NCAM1: variants seen among roughly 807,000 people sequenced by gnomAD.
The protein encoded by NCAM1 is neural cell adhesion molecule 1.
Under a neutral mutation model 109.8 loss-of-function variants are expected in NCAM1, and 14 were observed. The observed-to-expected ratio is 0.13, with a 90% CI of 0.08 to 0.20. The LOEUF (loss-of-function observed/expected upper bound fraction) is 0.20. Ranked by LOEUF, NCAM1 falls within the 10% of genes least tolerant of loss-of-function variation. NCAM1 has a pLI of 1.00. For synonymous variants in NCAM1, 418 were observed against 442.9 expected (o/e 0.94, Z 0.70); for missense variants, 774 against 1,109.9 (o/e 0.70, Z 4.30).
At chr11:113,183,510 C>A (rs1232660790) in intron 1 of NCAM1, among the ~76,000 whole-genome samples, 1 of 152,140 alleles carries the variant, frequency 6.6e-6, no homozygotes, top group Non-Finnish European at 1.5e-5. Flanking sequence ...GGTATAAAAC[C>A]AACTACAAGG....
chr11:113,220,600 C>CTTTTTTTTTTTTTT (rs1336984958), intron 8 of NCAM1, among the ~76,000 whole-genome samples: 1,285 of 102,114 alleles, frequency 0.013, 77 homozygotes, highest in East Asian at 0.019. Context: ...CTCTCTCTCT[C>CTTTTTTTTTTTTTT]TCTTTTTTTT....
Position 113,207,242 on chromosome 11 carries a change from A to G in NCAM1, c.629-19A>G, listed in dbSNP as rs1555112988. ...TCCAAATTTTCACAACCACCCCATG[A>G]CACCCTTTTTTCCTTCAGTGCCACC... On this transcript the variant is annotated intron_variant, in intron 5 of 19. Coordinates refer to ENST00000316851, the MANE Select transcript of NCAM1 (RefSeq NM_181351.5). 2.5e-6 allele frequency: 4 copies of G among 1,605,582 alleles called. No individual in the cohort carries two copies. The highest frequency in any genetic ancestry group is 3.3e-5 in the Admixed American group (2 of 59,954).
intron 3 of NCAM1, 85 bp downstream of exon 3, chr11:113,204,589 A>G: frequency 1.5e-6 from 2 of 1,358,004 alleles, no homozygotes; most frequent in Non-Finnish European, 1.0e-6. Context: ...AAATGATGAC[A>G]GAAGGACCAG....
chr11:113,257,348 G>A (rs930256547), intron 16 of NCAM1, among the ~76,000 whole-genome samples: 3 of 152,210 alleles, frequency 2.0e-5, no homozygotes, highest in Non-Finnish European at 4.4e-5. Flanking sequence ...ACTTATTCTG[G>A]AAGAATAGGT....
At chr11:113,044,451 G>A (rs1953191311) in intron 1 of NCAM1, among the ~76,000 whole-genome samples, 1 of 152,098 alleles carries the variant, frequency 6.6e-6, no homozygotes, top group Non-Finnish European at 1.5e-5. Context: ...TTGGGAGGCT[G>A]AGGCGGGCCG....
At chr11:113,210,419 A>G (rs1555113486) in intron 7 of NCAM1, among the ~76,000 whole-genome samples, 1 of 152,142 alleles carries the variant, frequency 6.6e-6, no homozygotes, top group African/African-American at 2.4e-5. Context: ...CTAATCTAAC[A>G]ATGATGGTTG....
intron 1 of NCAM1, among the ~76,000 whole-genome samples, chr11:112,975,686 G>A (rs1413726274): frequency 6.6e-6 from 1 of 151,970 alleles, no homozygotes; most frequent in Admixed American, 6.6e-5. Flanking sequence ...GGGATTGAAA[G>A]TGAGTCAGTT....
At chr11:113,261,976 G>C (rs1946015640) in intron 17 of NCAM1, among the ~76,000 whole-genome samples, 2 of 152,092 alleles carry the variant, frequency 1.3e-5, no homozygotes, top group South Asian at 4.1e-4. Context: ...GAATCGCCCA[G>C]GTGCCCACTT....
intron 1 of NCAM1, among the ~76,000 whole-genome samples, chr11:113,104,609 G>A (rs1467696080): frequency 6.6e-6 from 1 of 152,106 alleles, no homozygotes; most frequent in East Asian, 1.9e-4. Flanking sequence ...TGAATCGGGG[G>A]TAATCACTCG....
chr11:113,008,512 T>A (rs940860195), intron 1 of NCAM1, among the ~76,000 whole-genome samples: 26 of 152,212 alleles, frequency 1.7e-4, no homozygotes, highest in African/African-American at 5.8e-4. Flanking sequence ...ACTCTCCCCA[T>A]ATATTAGTTG....
chr11:113,106,216 C>T (rs114253409), intron 1 of NCAM1, among the ~76,000 whole-genome samples: 50 of 152,204 alleles, frequency 3.3e-4, no homozygotes, highest in African/African-American at 8.7e-4. Context: ...GTGATGAGTA[C>T]GTTGTGGTGG....
chr11:113,141,804 A>G (rs1344342414), intron 1 of NCAM1, among the ~76,000 whole-genome samples: 3 of 152,132 alleles, frequency 2.0e-5, no homozygotes, highest in Non-Finnish European at 1.5e-5. Context: ...CTCCTCTCGT[A>G]TATCAGTTGT....
At chr11:113,177,537 G>C (rs781992703) in intron 1 of NCAM1, among the ~76,000 whole-genome samples, 1 of 152,090 alleles carries the variant, frequency 6.6e-6, no homozygotes, top group Non-Finnish European at 1.5e-5. Context: ...GGGTTCAAGT[G>C]ATTCTCCTGC....
At chr11:112,989,190 G>A (rs1040090283) in intron 1 of NCAM1, among the ~76,000 whole-genome samples, 10 of 152,158 alleles carry the variant, frequency 6.6e-5, no homozygotes, top group African/African-American at 2.4e-4. Flanking sequence ...CTTTAAGTGA[G>A]CTTTCTGGTC....
Position 113,119,207 on chromosome 11 carries a change from T to C in NCAM1, c.53-83172T>C, listed in dbSNP as rs188315310. On this transcript the variant is annotated intron_variant, in intron 1 of 19. Coordinates refer to ENST00000316851, the MANE Select transcript of NCAM1 (RefSeq NM_181351.5). Reference sequence around the variant, plus strand: ...ACTTAGAGGGTTGGGGAGTTCTCCCTGCCCTGTGAAATGCTATTAGTTGAG... The same window carrying C: ...ACTTAGAGGGTTGGGGAGTTCTCCCCGCCCTGTGAAATGCTATTAGTTGAG... Among the ~76,000 whole-genome samples the C allele has an allele frequency of 7.2e-5, 11 of 152,266 alleles. No individual in the cohort carries two copies. The East Asian group carries it at 2.1e-3, about 29-fold the overall frequency.
At chr11:113,232,485 A>C (rs1945041550) in intron 11 of NCAM1, 131 bp downstream of exon 11, 2 of 1,021,406 alleles carry the variant, frequency 2.0e-6, no homozygotes, top group Non-Finnish European at 2.8e-6. Flanking sequence ...GGGCTAGAGA[A>C]GACACTGAGC....
intron 15 of NCAM1, among the ~76,000 whole-genome samples, chr11:113,249,898 G>A (rs1555120943): frequency 6.6e-6 from 1 of 152,152 alleles, no homozygotes; most frequent in Non-Finnish European, 1.5e-5. Flanking sequence ...AATTCCTCAG[G>A]AAACTGGTGC....
At chr11:113,187,695 A>G (rs1433633397) in intron 1 of NCAM1, among the ~76,000 whole-genome samples, 1 of 152,106 alleles carries the variant, frequency 6.6e-6, no homozygotes, top group Non-Finnish European at 1.5e-5. Flanking sequence ...TAGACCCCAC[A>G]CTGGAAAAGA....
chr11:113,074,185 C>G (rs1938422816), intron 1 of NCAM1, among the ~76,000 whole-genome samples: 2 of 152,338 alleles, frequency 1.3e-5, no homozygotes, highest in South Asian at 4.2e-4. Flanking sequence ...GTCTCCATAA[C>G]TCCTAAATAT....
Sources: gnomAD v4.1 joint callset for allele counts (sites outside exome capture counted in the v4.1 genomes callset) on GRCh38, gnomAD v4.1.1 for gene constraint, MANE v1.5 for transcripts, NCBI Gene and HGNC (gene_info 2026-07-23, HGNC 2026-07-21) for gene names.